The following SLC49A4 variants were observed in gnomAD, a reference collection of about 807,000 sequenced individuals.
SLC49A4 encodes disrupted in renal cancer protein 2.
A neutral mutation model predicts 50.6 loss-of-function variants in SLC49A4; 36 were observed. The ratio of observed to expected loss-of-function variants is 0.71; its 90% confidence interval spans 0.55 to 0.94. SLC49A4 has a LOEUF of 0.94. Among genes scored for constraint, SLC49A4 ranks in the 40% least tolerant of loss-of-function variants. The pLI is 0.00. For missense variants in SLC49A4, 503 were observed against 605.7 expected, an observed-to-expected ratio of 0.83 and a Z score of 1.78; for synonymous variants, 248 against 241.2, an observed-to-expected ratio of 1.03 and a Z score of -0.26.
chr3:122,869,876 G>GT (rs1195646193), intron 7 of SLC49A4, among the ~76,000 whole-genome samples: 1 of 152,128 alleles, frequency 6.6e-6, no homozygotes, highest in African/African-American at 2.4e-5. Context: ...CCCGTCAGAT[G>GT]TATCAGAAGA....
In SLC49A4 at chr3:122,838,379, A is replaced by C. The variant is rs531097761; in HGVS notation, c.833+4933A>C. ...CACCATGGAATACTATGCAGCCATA[A>C]AAAATGATGAGTTCATGTCCTTTGT... On this transcript the variant is annotated intron_variant, in intron 4 of 8. Coordinates refer to ENST00000261038, the MANE Select transcript of SLC49A4 (RefSeq NM_032839.3). 1.1e-3 allele frequency among the ~76,000 whole-genome samples: 162 copies of C among 152,276 alleles called. 3 individuals are homozygous for C. In the South Asian group the frequency reaches 0.032, roughly 30 times the overall value.
At chr3:122,822,827 A>G (rs1936472381) in intron 2 of SLC49A4, among the ~76,000 whole-genome samples, 1 of 152,026 alleles carries the variant, frequency 6.6e-6, no homozygotes, top group Non-Finnish European at 1.5e-5. Flanking sequence ...CTCAGCTCAG[A>G]CTGCTTTTCT....
Position 122,856,338 on chromosome 3 carries a change from T to C in SLC49A4, c.974T>C (p.Ile325Thr), listed in dbSNP as rs1417310108. 1 of 1,614,066 alleles carries C rather than the reference T, an allele frequency of 6.2e-7. No individual in the cohort carries two copies. Among genetic ancestry groups the C allele is most frequent in the Admixed American group, 1.7e-5 (1 of 59,998 alleles). Residue 325 changes from isoleucine to threonine, a missense_variant, in exon 6 of 9, where the codon ATA becomes ACA. By Grantham distance (89) the Ile-to-Thr change is moderately conservative (BLOSUM62 -1). Coordinates refer to ENST00000261038, the MANE Select transcript of SLC49A4 (RefSeq NM_032839.3). ...GCTGGCTGGATTGGATTTTGGTCCA[T>C]AGTTGGAGGCTGTGTTGTTGGAATA... The part of the protein sequence containing the change: ...VDAGWIGFWS[I>T]VGGCVVGIAM...
rs374944949 is a variant in SLC49A4, at chr3:122,796,198, G to T, written c.343+663G>T. On this transcript the variant is annotated intron_variant, in intron 1 of 8. Transcript: ENST00000261038. ...TTACCACTTGCCAGTGTGATTCTCT[G>T]AGAAGAAAAAGCCATAGGGCTGAGA... Among the ~76,000 whole-genome samples the T allele has an allele frequency of 3.3e-5, 5 of 152,318 alleles. No individual in the cohort carries two copies. In the East Asian group the frequency reaches 7.7e-4, roughly 23 times the overall value.
At position 122,795,396 on chromosome 3, in the gene SLC49A4, C is replaced by T. The variant is rs746481411; in HGVS notation, c.204C>T (p.Val68=). Residue 68 remains valine, a synonymous_variant, in exon 1 of 9, where the codon GTC becomes GTT. Transcript: ENST00000261038. ...TGCTGGCGTTCGTTCAGGGCCTGGT[C>T]TGGAACACCTGGGGTCCCATCCAGA... ...FSLLAFVQGL[V]WNTWGPIQNS... is the part of the protein sequence containing the mutation. 3.7e-6 allele frequency: 6 copies of T among 1,606,776 alleles called. No homozygotes were observed. The highest frequency in any genetic ancestry group is 5.1e-6 in the Non-Finnish European group (6 of 1,178,752).
At chr3:122,859,970 A>C (rs1937037433) in intron 6 of SLC49A4, 105 bp from the exon 7 acceptor site, 1 of 1,033,366 alleles carries the variant, frequency 9.7e-7, no homozygotes, top group Admixed American at 3.2e-5. Context: ...GTCTTTTAAA[A>C]GAATATATGG....
chr3:122,842,456 A>C (rs1407421127), intron 4 of SLC49A4, among the ~76,000 whole-genome samples: 1 of 125,540 alleles, frequency 8.0e-6, no homozygotes, highest in Non-Finnish European at 1.6e-5. Flanking sequence ...ACTGCACTCC[A>C]GCCTGGGCGA....
intron 4 of SLC49A4, among the ~76,000 whole-genome samples, chr3:122,841,288 C>T (rs1337358797): frequency 1.3e-5 from 2 of 152,178 alleles, no homozygotes; most frequent in Non-Finnish European, 2.9e-5. Context: ...ATTGTAATTG[C>T]CGTTCATTGT....
chr3:122,849,180 T>G (rs1936893027), intron 5 of SLC49A4, among the ~76,000 whole-genome samples: 1 of 152,234 alleles, frequency 6.6e-6, no homozygotes, highest in South Asian at 2.1e-4. Context: ...TGTGTATATA[T>G]CTGATATTTT....
At chr3:122,798,013 C>A (rs1181575051) in intron 1 of SLC49A4, among the ~76,000 whole-genome samples, 1 of 152,208 alleles carries the variant, frequency 6.6e-6, no homozygotes, top group East Asian at 1.9e-4. Context: ...CAAAGTAGTA[C>A]TTTACCTATA....
At chr3:122,834,020 G>T (rs1560213573) in intron 4 of SLC49A4, among the ~76,000 whole-genome samples, 1 of 152,084 alleles carries the variant, frequency 6.6e-6, no homozygotes, top group African/African-American at 2.4e-5. Flanking sequence ...TACTCTTGAA[G>T]GCTCAAATGC....
intron 3 of SLC49A4, among the ~76,000 whole-genome samples, chr3:122,830,305 C>T (rs553228877): frequency 2.8e-4 from 43 of 152,230 alleles, no homozygotes; most frequent in African/African-American, 7.9e-4. Flanking sequence ...TTGCAGAAAT[C>T]GACAAGGCGA....
chr3:122,871,243 TTATAATCCCCG>T (rs1937194130), intron 7 of SLC49A4, among the ~76,000 whole-genome samples: 1 of 152,142 alleles, frequency 6.6e-6, no homozygotes, highest in Admixed American at 6.5e-5. Flanking sequence ...ACTAAATATT[TTATAATCCCCG>T]AAGACTAATG....
chr3:122,824,619 C>CTCTTTCTT (rs565152434), intron 2 of SLC49A4, among the ~76,000 whole-genome samples: 8 of 149,852 alleles, frequency 5.3e-5, no homozygotes, highest in African/African-American at 2.0e-4. Flanking sequence ...TCTTTTCTTT[C>CTCTTTCTT]TCTTTCTTTC....
chr3:122,874,286 T>C (rs1232233106), intron 8 of SLC49A4, among the ~76,000 whole-genome samples: 1 of 152,190 alleles, frequency 6.6e-6, no homozygotes, highest in Non-Finnish European at 1.5e-5. Flanking sequence ...TTGACTTGTT[T>C]AACAGCATCT....
chr3:122,869,827 G>A (rs1313387695), intron 7 of SLC49A4, among the ~76,000 whole-genome samples: 3 of 152,118 alleles, frequency 2.0e-5, no homozygotes, highest in African/African-American at 7.2e-5. Context: ...GAGTTGTATG[G>A]TCTTGAGGTC....
intron 2 of SLC49A4, among the ~76,000 whole-genome samples, chr3:122,814,089 G>C (rs542866243): frequency 1.4e-4 from 21 of 152,152 alleles, no homozygotes; most frequent in Non-Finnish European, 2.5e-4. Flanking sequence ...TGGTCAACAT[G>C]GTGAAACCTC....
chr3:122,833,929 C>G (rs942856430), intron 4 of SLC49A4, among the ~76,000 whole-genome samples: 1 of 151,954 alleles, frequency 6.6e-6, no homozygotes, highest in African/African-American at 2.4e-5. Flanking sequence ...ATTTTCTGTA[C>G]GAGCAGTAGG....
chr3:122,866,472 AC>A (rs1422204689), intron 7 of SLC49A4, among the ~76,000 whole-genome samples: 1 of 152,146 alleles, frequency 6.6e-6, no homozygotes, highest in African/African-American at 2.4e-5. Context: ...CTCTTCTATC[AC>A]ATACCAGGTA....
Sources: allele counts gnomAD v4.1 joint callset (sites outside exome capture counted in the v4.1 genomes callset), GRCh38; gene constraint gnomAD v4.1.1; transcripts MANE v1.5; gene names NCBI Gene and HGNC (gene_info 2026-07-23, HGNC 2026-07-21).